The following DHX57 variants were observed in gnomAD, a reference collection of about 807,000 sequenced individuals.
The protein encoded by DHX57 is putative ATP-dependent RNA helicase DHX57.
A neutral mutation model predicts 156.2 loss-of-function variants in DHX57; 105 were observed. That is an observed-to-expected ratio of 0.67 (90% CI 0.57 to 0.79). The LOEUF (loss-of-function observed/expected upper bound fraction) is 0.79, where lower values mean the gene tolerates loss of function less well. Ranked by LOEUF, DHX57 falls within the 30% of genes least tolerant of loss-of-function variation. The probability of loss-of-function intolerance (pLI) is 0.00; values close to 1 mark genes in which losing one functional copy is unlikely to be tolerated. For synonymous variants in DHX57, 704 were observed against 595.6 expected, an observed-to-expected ratio of 1.18 and a Z score of -2.65; for missense variants, 1,847 against 1,661.9, an observed-to-expected ratio of 1.11 and a Z score of -1.94.
rs146662521 is a variant in DHX57, at chr2:38,802,766, G to T, written c.3966C>A (p.Phe1322Leu). ...TCCAACCATCATCCAGGGAGACAAC[G>T]AACTCTCCTCTTTGAAGCTGCACAT... Reference protein sequence around the residue: ...QVNVQLQRGEFVVSLDDGWIR... With the variant: ...QVNVQLQRGELVVSLDDGWIR... The change falls in exon 23 of 24, where the codon TTC (phenylalanine) becomes TTA (leucine). Residue 1322 changes from phenylalanine to leucine, a missense_variant. By Grantham distance (22) the Phe-to-Leu change is conservative (BLOSUM62 0). Coordinates refer to ENST00000457308, the MANE Select transcript of DHX57 (RefSeq NM_198963.3). 2 of 1,614,102 alleles carry T rather than the reference G, an allele frequency of 1.2e-6. No homozygotes were observed. The highest frequency in any genetic ancestry group is 1.7e-5 in the Admixed American group (1 of 60,000).
Position 38,802,762 on chromosome 2 carries a change from C to A in DHX57, c.3970G>T (p.Val1324Phe). ...NVQLQRGEFVVSLDDGWIRFV... is the reference protein window; with the variant it reads ...NVQLQRGEFVFSLDDGWIRFV... ...CGGATCCAACCATCATCCAGGGAGA[C>A]AACGAACTCTCCTCTTTGAAGCTGC... is the stretch of plus-strand genomic sequence containing the variant. Residue 1324 changes from valine (V) to phenylalanine (F), a missense_variant, in exon 23 of 24, where the codon GTC becomes TTC. Coordinates refer to ENST00000457308, the MANE Select transcript of DHX57 (RefSeq NM_198963.3). 1.2e-6 allele frequency: 2 copies of A among 1,614,186 alleles called. No individual in the cohort carries two copies. The highest frequency in any genetic ancestry group is 1.7e-6 in the Non-Finnish European group (2 of 1,180,026).
At chr2:38,809,038 C>G (rs1221008687) in intron 21 of DHX57, among the ~76,000 whole-genome samples, 1 of 152,138 alleles carries the variant, frequency 6.6e-6, no homozygotes, top group African/African-American at 2.4e-5. Context: ...TACAGTGATC[C>G]TCCTATCTTA....
intron 12 of DHX57, among the ~76,000 whole-genome samples, chr2:38,841,628 A>G (rs1255371523): frequency 6.6e-6 from 1 of 152,212 alleles, no homozygotes; most frequent in Non-Finnish European, 1.5e-5. Context: ...ACGGGTTGGA[A>G]GCTCTTACTC....
chr2:38,803,806 C>T (rs1485589656), intron 22 of DHX57, among the ~76,000 whole-genome samples: 1 of 139,628 alleles, frequency 7.2e-6, no homozygotes, highest in Non-Finnish European at 1.5e-5. Flanking sequence ...TTTTGAGATG[C>T]AGTCTCGCTC....
chr2:38,798,486 C>G (rs1455774750), intron 23 of DHX57, 44 bp from the exon 24 acceptor site: 1 of 1,559,506 alleles, frequency 6.4e-7, no homozygotes. Flanking sequence ...GAGGAACAGG[C>G]AGGATAGGTT....
Position 38,868,223 on chromosome 2 carries a change from T to A in DHX57, c.183A>T (p.Gly61=). The A allele has an allele frequency of 1.9e-6, 3 of 1,614,126 alleles. No homozygotes were observed. The highest frequency in any genetic ancestry group is 2.5e-6 in the Non-Finnish European group (3 of 1,180,040). ...ATTCACTGAAGATACAAAAGTCATC[T>A]CCATCATCCCATATTCTACTGGAGG... ...RKASSRIWDD[G]DDFCIFSESR... is the part of the protein sequence containing the mutation. Residue 61 remains glycine (G), a synonymous_variant, in exon 2 of 24, where the codon GGA becomes GGT. Coordinates refer to ENST00000457308, the MANE Select transcript of DHX57 (RefSeq NM_198963.3).
In DHX57 at chr2:38,856,350, C is replaced by G; in HGVS notation, c.1699G>C (p.Gly567Arg). ...LRKHQVVVIS[G>R]MTGCGKTTQI... Reference sequence around the variant, plus strand: ...AAACTGCATTCTTACCCAGTCATACCACTTATGACAACCACCTGGTGCTTA... The same window carrying G: ...AAACTGCATTCTTACCCAGTCATACGACTTATGACAACCACCTGGTGCTTA... Residue 567 changes from glycine (G) to arginine (R), a missense_variant, in exon 7 of 24, where the codon GGT (glycine) becomes CGT (arginine). Gly to Arg is a moderately radical substitution (Grantham distance 125). Coordinates refer to ENST00000457308, the MANE Select transcript of DHX57 (RefSeq NM_198963.3). 6.2e-7 allele frequency: 1 copy of G among 1,610,238 alleles called. No individual in the cohort carries two copies. Among genetic ancestry groups the G allele is most frequent in the South Asian group, 1.1e-5 (1 of 89,832 alleles).
At chr2:38,815,403 G>A (rs768591761) in intron 20 of DHX57, 118 bp downstream of exon 20, 43 of 1,284,444 alleles carry the variant, frequency 3.3e-5, no homozygotes, top group Non-Finnish European at 4.6e-5. Context: ...AATCAAGAAT[G>A]CCATTAACCC....
intron 20 of DHX57, 149 bp downstream of exon 20, chr2:38,815,372 A>G: frequency 9.3e-7 from 1 of 1,078,368 alleles, no homozygotes; most frequent in Non-Finnish European, 1.3e-6. Flanking sequence ...ATCAGCTGAT[A>G]TTTATTTGTG....
At chr2:38,866,628 G>A (rs1350074074) in intron 2 of DHX57, among the ~76,000 whole-genome samples, 1 of 152,098 alleles carries the variant, frequency 6.6e-6, no homozygotes, top group Admixed American at 6.6e-5. Context: ...ACTCCCTGCT[G>A]CAATTCCAAG....
At chr2:38,810,620 T>G in intron 21 of DHX57, 1 of 638,094 alleles carries the variant, frequency 1.6e-6, no homozygotes, top group Non-Finnish European at 2.9e-6. Context: ...CCCTTGAAGA[T>G]GGATACCTGC....
intron 21 of DHX57, chr2:38,811,122 G>A (rs759741781): frequency 8.4e-5 from 46 of 545,448 alleles, no homozygotes; most frequent in Non-Finnish European, 1.3e-4. Flanking sequence ...ATGTGCATGA[G>A]GTTCTCGTCC....
At chr2:38,848,472 T>C (rs1672406753) in intron 9 of DHX57, 70 bp from the exon 10 acceptor site, 2 of 1,473,454 alleles carry the variant, frequency 1.4e-6, no homozygotes, top group African/African-American at 1.4e-5. Flanking sequence ...ACTTTTACTA[T>C]ATTTTGAGCA....
chr2:38,857,570 G>A (rs1045456868), intron 6 of DHX57, among the ~76,000 whole-genome samples: 1 of 152,156 alleles, frequency 6.6e-6, no homozygotes, highest in South Asian at 2.1e-4. Context: ...TACTACATAT[G>A]TGATGGTGTT....
At chr2:38,831,835 A>C in intron 13 of DHX57, among the ~76,000 whole-genome samples, 1 of 125,878 alleles carries the variant, frequency 7.9e-6, no homozygotes, top group Admixed American at 8.7e-5. Context: ...CCAGAGTGAG[A>C]CTTCATCTCA....
chr2:38,858,711 A>C lies in DHX57; in HGVS notation c.1537T>G (p.Ser513Ala). Residue 513 changes from serine (S) to alanine (A), a missense_variant, in exon 6 of 24, where the codon TCA (serine) becomes GCA (alanine). By Grantham distance (99) the Ser-to-Ala change is moderately conservative. Transcript: ENST00000457308. ...ATTTTACCATTTTCAGCATGTACTGACTTTGCCTGCCAGTCATATCTTTTG... is the reference window on the plus strand; with the variant it reads ...ATTTTACCATTTTCAGCATGTACTGCCTTTGCCTGCCAGTCATATCTTTTG... ...ISKRYDWQAK[S>A]VHAENGKICK... The C allele has an allele frequency of 6.2e-7, 1 of 1,614,000 alleles. No homozygotes were observed. Among genetic ancestry groups the C allele is most frequent in the Non-Finnish European group, 8.5e-7 (1 of 1,179,990 alleles).
At chr2:38,811,868 T>C (rs1186124012) in intron 21 of DHX57, among the ~76,000 whole-genome samples, 1 of 152,216 alleles carries the variant, frequency 6.6e-6, no homozygotes, top group Non-Finnish European at 1.5e-5. Flanking sequence ...TTATACCACA[T>C]TTATGTTCTT....
In DHX57 at chr2:38,822,162, A is replaced by T. The variant is rs371941999; in HGVS notation, c.3291+831T>A. Among the ~76,000 whole-genome samples, 4 of 152,178 alleles carry T rather than the reference A, an allele frequency of 2.6e-5. No homozygotes were observed. In the East Asian group the frequency reaches 7.7e-4, roughly 29 times the overall value. On this transcript the variant is annotated intron_variant, in intron 17 of 23. Coordinates refer to ENST00000457308, the MANE Select transcript of DHX57 (RefSeq NM_198963.3). Reference sequence around the variant, plus strand: ...TGCAATGGCGCGACTGGCTCATTGCAACCTCTGCCTCCCAGGTTCAAGTGA... The same window carrying T: ...TGCAATGGCGCGACTGGCTCATTGCTACCTCTGCCTCCCAGGTTCAAGTGA...
chr2:38,853,900 C>T, intron 9 of DHX57, 154 bp downstream of exon 9: 2 of 645,064 alleles, frequency 3.1e-6, no homozygotes, highest in South Asian at 4.1e-5. Flanking sequence ...CCCTGGAGAT[C>T]AAGAAAGCAG....
Sources: allele counts gnomAD v4.1 joint callset (sites outside exome capture counted in the v4.1 genomes callset), GRCh38; gene constraint gnomAD v4.1.1; transcripts MANE v1.5; gene names NCBI Gene and HGNC (gene_info 2026-07-23, HGNC 2026-07-21).